The following C1orf87 variants were observed in gnomAD, a reference collection of about 807,000 sequenced individuals.
The protein encoded by C1orf87 is chromosome 1 open reading frame 87.
A neutral mutation model predicts 60.5 loss-of-function variants in C1orf87; 58 were observed. That is an observed-to-expected ratio of 0.96 (90% confidence interval 0.78 to 1.19). C1orf87 has a LOEUF of 1.19. C1orf87 is among the 50% of genes most tolerant of loss of function. C1orf87 has a pLI of 0.00. For missense variants in C1orf87, 673 were observed against 638.6 expected, an observed-to-expected ratio of 1.05 and a Z score of -0.58; for synonymous variants, 236 against 227.4, an observed-to-expected ratio of 1.04 and a Z score of -0.34.
At chr1:60,046,383 T>C (rs1203316704) in intron 3 of C1orf87, among the ~76,000 whole-genome samples, 1 of 135,958 alleles carries the variant, frequency 7.4e-6, no homozygotes, top group Non-Finnish European at 1.6e-5. Flanking sequence ...TTTTTCTTTC[T>C]TTCTTTCTCT....
chr1:60,044,402 T>C (rs1280951293), intron 3 of C1orf87, among the ~76,000 whole-genome samples: 1 of 152,224 alleles, frequency 6.6e-6, no homozygotes, highest in Non-Finnish European at 1.5e-5. Context: ...CTGTGAAGAA[T>C]GAGTGTTATG....
chr1:60,072,861 G>C (rs1645593745), intron 1 of C1orf87, among the ~76,000 whole-genome samples, 191 bp from the exon 2 acceptor site: 1 of 152,150 alleles, frequency 6.6e-6, no homozygotes, highest in South Asian at 2.1e-4. Context: ...TTACTGTTGA[G>C]GAAACAAGCA....
intron 9 of C1orf87, among the ~76,000 whole-genome samples, chr1:60,002,317 T>C (rs2100243920): frequency 6.6e-6 from 1 of 152,180 alleles, no homozygotes; most frequent in Non-Finnish European, 1.5e-5. Context: ...TGTGCCTCAG[T>C]TTCCTCTTCT....
At chr1:60,038,211 T>TA (rs11300572) in intron 5 of C1orf87, 104 bp from the exon 6 acceptor site, 16 of 529,298 alleles carry the variant, frequency 3.0e-5, no homozygotes, top group Non-Finnish European at 4.0e-5. Context: ...ATCAAACATT[T>TA]AAAAAAACAC....
At chr1:60,062,786 T>A (rs915113760) in intron 2 of C1orf87, among the ~76,000 whole-genome samples, 1 of 152,176 alleles carries the variant, frequency 6.6e-6, no homozygotes, top group South Asian at 2.1e-4. Context: ...TGTATTATAT[T>A]TTTTAAACTA....
Position 59,997,788 on chromosome 1 carries a change from T to C in C1orf87, c.1301A>G (p.Glu434Gly). The change falls in exon 11 of 12, where the codon GAA becomes GGA. Residue 434 changes from glutamate to glycine, a missense_variant. By Grantham distance (98) the Glu-to-Gly change is moderately conservative. Transcript: ENST00000371201. Reference sequence around the variant, plus strand: ...GGCTGAAGTTTCAGCAGGAGAGCTTTCTGGCTGCAGCTCCTCTTCTGGAGT... The same window carrying C: ...GGCTGAAGTTTCAGCAGGAGAGCTTCCTGGCTGCAGCTCCTCTTCTGGAGT... ...MKTPEEELQP[E>G]SSPAETSACK... 1 of 1,613,776 alleles carries C rather than the reference T, an allele frequency of 6.2e-7. No homozygotes were observed. Among genetic ancestry groups the C allele is most frequent in the Non-Finnish European group, 8.5e-7 (1 of 1,179,834 alleles).
intron 3 of C1orf87, among the ~76,000 whole-genome samples, chr1:60,051,416 T>C (rs1431027906): frequency 1.3e-5 from 2 of 152,220 alleles, no homozygotes; most frequent in African/African-American, 4.8e-5. Context: ...AAAATGCACT[T>C]GTGTAATTGA....
chr1:60,041,148 C>G lies in C1orf87; in HGVS notation c.343-17G>C, dbSNP rs372293259. The G allele has an allele frequency of 9.2e-6, 14 of 1,520,232 alleles. No individual in the cohort carries two copies. The highest frequency in any genetic ancestry group is 1.8e-4 in the Middle Eastern group (1 of 5,694). The allele number at this position is 1,520,232 out of a possible 1,614,324, so 94.2% of individuals were successfully genotyped here. A position where few individuals can be genotyped will look rare whatever the true frequency, so the allele number is the denominator to read the frequency against. Reference sequence around the variant, plus strand: ...ACTGGGAATCTTAACAGAACAAGGACAAAGGGAAGCAAGGAGCAGAAGAGG... The same window carrying G: ...ACTGGGAATCTTAACAGAACAAGGAGAAAGGGAAGCAAGGAGCAGAAGAGG... On this transcript the variant is annotated splice_polypyrimidine_tract_variant and intron_variant, in intron 3 of 11. Transcript: ENST00000371201.
intron 3 of C1orf87, among the ~76,000 whole-genome samples, chr1:60,047,039 T>A (rs949208828): frequency 1.3e-5 from 2 of 152,206 alleles, no homozygotes; most frequent in South Asian, 2.1e-4. Context: ...TTACAGGCAG[T>A]CATATGCATT....
At chr1:60,057,357 C>T (rs1290485990) in intron 2 of C1orf87, among the ~76,000 whole-genome samples, 1 of 152,092 alleles carries the variant, frequency 6.6e-6, no homozygotes, top group Non-Finnish European at 1.5e-5. Flanking sequence ...GCAATGTAGA[C>T]AGGAAGTATA....
chr1:60,033,739 G>GGA, intron 6 of C1orf87, 98 bp from the exon 7 acceptor site: 1 of 1,376,690 alleles, frequency 7.3e-7, no homozygotes, highest in Admixed American at 2.2e-5. Flanking sequence ...TACACACTAT[G>GGA]GAACCAGAGA....
chr1:60,029,637 GT>G (rs34501342), intron 7 of C1orf87, among the ~76,000 whole-genome samples: 25 of 95,648 alleles, frequency 2.6e-4, no homozygotes, highest in African/African-American at 8.8e-4. Context: ...GTCCCCCCAA[GT>G]TTTTTTTTTT....
intron 5 of C1orf87, among the ~76,000 whole-genome samples, chr1:60,039,141 TAAGTA>T (rs1409948387): frequency 6.6e-6 from 1 of 152,178 alleles, no homozygotes; most frequent in Admixed American, 6.5e-5. Flanking sequence ...TGGGAGGACT[TAAGTA>T]GAGTATGCTC....
At chr1:60,031,478 C>A (rs1347561574) in intron 7 of C1orf87, among the ~76,000 whole-genome samples, 2 of 152,126 alleles carry the variant, frequency 1.3e-5, no homozygotes, top group African/African-American at 2.4e-5. Flanking sequence ...GCCCTGATAA[C>A]CAGACCTCAA....
chr1:60,039,673 C>T (rs1645304726), intron 5 of C1orf87, among the ~76,000 whole-genome samples: 1 of 152,142 alleles, frequency 6.6e-6, no homozygotes, highest in South Asian at 2.1e-4. Flanking sequence ...TTGTTAAAAG[C>T]TGACAATGCA....
chr1:60,038,896 A>G (rs1430120220), intron 5 of C1orf87, among the ~76,000 whole-genome samples: 1 of 152,224 alleles, frequency 6.6e-6, no homozygotes, highest in East Asian at 1.9e-4. Context: ...AGTGGTGAGC[A>G]GTGGGAGAGG....
chr1:60,060,361 T>G (rs1270215008), intron 2 of C1orf87, among the ~76,000 whole-genome samples: 1 of 152,112 alleles, frequency 6.6e-6, no homozygotes, highest in Admixed American at 6.6e-5. Flanking sequence ...CTTATCAAGA[T>G]AAAATGTATA....
At chr1:60,051,931 T>C (rs575563429) in intron 3 of C1orf87, among the ~76,000 whole-genome samples, 13 of 152,340 alleles carry the variant, frequency 8.5e-5, no homozygotes, top group African/African-American at 2.9e-4. Flanking sequence ...GAGACCATTC[T>C]GTGAGACACA....
chr1:60,060,273 CAT>C (rs1459655797), intron 2 of C1orf87, among the ~76,000 whole-genome samples: 1 of 152,060 alleles, frequency 6.6e-6, no homozygotes, highest in Non-Finnish European at 1.5e-5. Context: ...AGCCACCACA[CAT>C]AAATTCTTTC....
Sources: allele counts gnomAD v4.1 joint callset (sites outside exome capture counted in the v4.1 genomes callset), GRCh38; gene constraint gnomAD v4.1.1; transcripts MANE v1.5; gene names NCBI Gene and HGNC (gene_info 2026-07-23, HGNC 2026-07-21).